PRKG1: variants seen among roughly 807,000 people sequenced by gnomAD.
PRKG1 encodes cGMP-dependent protein kinase 1.
PRKG1 carries 35 observed loss-of-function variants against 88.1 expected under a neutral mutation model. The ratio of observed to expected loss-of-function variants is 0.40; its 90% CI spans 0.30 to 0.53. The LOEUF (loss-of-function observed/expected upper bound fraction) is 0.53. Among genes scored for constraint, PRKG1 ranks in the 20% least tolerant of loss-of-function variants. The pLI, the probability that PRKG1 is intolerant of heterozygous loss-of-function variation, is 0.59. For synonymous variants in PRKG1, 303 were observed against 292.5 expected, an observed-to-expected ratio of 1.04 and a Z score of -0.37; for missense variants, 540 against 839.8, an observed-to-expected ratio of 0.64 and a Z score of 4.41.
chr10:51,223,191 C>G (rs1348926800), intron 2 of PRKG1, among the ~76,000 whole-genome samples: 1 of 152,012 alleles, frequency 6.6e-6, no homozygotes, highest in Non-Finnish European at 1.5e-5. Context: ...ACTTCCCCCA[C>G]CCTCTGTAGC....
At chr10:52,214,536 T>C (rs777566715) in intron 9 of PRKG1, among the ~76,000 whole-genome samples, 1 of 152,216 alleles carries the variant, frequency 6.6e-6, no homozygotes, top group Admixed American at 6.5e-5. Context: ...TGTATAGCAC[T>C]TTGTGTAGTA....
intron 5 of PRKG1, among the ~76,000 whole-genome samples, chr10:51,967,626 G>C (rs1254506435): frequency 6.6e-6 from 1 of 151,798 alleles, no homozygotes; most frequent in South Asian, 2.1e-4. Flanking sequence ...TCAGCCCATT[G>C]GCCTTGACAT....
At chr10:52,046,992 G>A (rs2133240272) in intron 5 of PRKG1, 1 of 152,226 alleles carries the variant, frequency 6.6e-6, no homozygotes, top group East Asian at 1.9e-4. Flanking sequence ...AGTGTCCCGA[G>A]TGGAAGATGA....
intron 5 of PRKG1, among the ~76,000 whole-genome samples, chr10:51,920,245 C>A (rs760489196): frequency 2.6e-5 from 4 of 152,128 alleles, no homozygotes; most frequent in African/African-American, 9.7e-5. Flanking sequence ...CTTCTCCTTT[C>A]CCTATCCATC....
chr10:51,327,045 A>G (rs1841610357), intron 2 of PRKG1, among the ~76,000 whole-genome samples: 1 of 152,216 alleles, frequency 6.6e-6, no homozygotes, highest in Non-Finnish European at 1.5e-5. Flanking sequence ...AATATTTACC[A>G]TTTAATCAAG....
chr10:52,040,151 C>T (rs189967656), intron 5 of PRKG1, among the ~76,000 whole-genome samples: 33 of 152,244 alleles, frequency 2.2e-4, no homozygotes, highest in African/African-American at 7.7e-4. Flanking sequence ...TTTTAAACTC[C>T]TAAAGAAGTA....
intron 2 of PRKG1, among the ~76,000 whole-genome samples, chr10:51,363,279 A>C (rs1482308075): frequency 1.3e-5 from 2 of 151,234 alleles, no homozygotes; most frequent in African/African-American, 4.9e-5. Flanking sequence ...ATTTTTGGAG[A>C]CTCTGTATTG....
chr10:52,185,116 C>T (rs1839156550), intron 9 of PRKG1: 1 of 152,192 alleles, frequency 6.6e-6, no homozygotes, highest in African/African-American at 2.4e-5. Context: ...GTGTCAAGTC[C>T]AAAGTCTTAA....
intron 2 of PRKG1, among the ~76,000 whole-genome samples, chr10:51,279,555 G>T (rs1205627737): frequency 6.6e-6 from 1 of 152,144 alleles, no homozygotes; most frequent in Admixed American, 6.5e-5. Flanking sequence ...ATGAATCTGG[G>T]TGCCCCTGTA....
At chr10:51,604,267 G>A (rs1838695946) in intron 3 of PRKG1, among the ~76,000 whole-genome samples, 1 of 151,946 alleles carries the variant, frequency 6.6e-6, no homozygotes, top group Non-Finnish European at 1.5e-5. Flanking sequence ...TTTTAAACTA[G>A]GAACTCATTA....
chr10:51,719,388 A>G (rs1190280274), intron 3 of PRKG1, among the ~76,000 whole-genome samples: 1 of 152,200 alleles, frequency 6.6e-6, no homozygotes, highest in African/African-American at 2.4e-5. Flanking sequence ...GATAAGAGGG[A>G]TATTTTACTT....
At chr10:51,211,253 C>A (rs946510705) in intron 2 of PRKG1, among the ~76,000 whole-genome samples, 1 of 152,044 alleles carries the variant, frequency 6.6e-6, no homozygotes, top group South Asian at 2.1e-4. Context: ...AGGCCTTTGA[C>A]AAAATTCAAC....
At chr10:52,287,698 TAAA>T (rs34027188) in intron 14 of PRKG1, among the ~76,000 whole-genome samples, 5 of 138,108 alleles carry the variant, frequency 3.6e-5, no homozygotes, top group Admixed American at 1.5e-4. Context: ...ATGGATCAGT[TAAA>T]AAAAAAAAAA....
intron 4 of PRKG1, among the ~76,000 whole-genome samples, chr10:51,862,009 G>C (rs1306891792): frequency 6.6e-6 from 1 of 152,156 alleles, no homozygotes; most frequent in Non-Finnish European, 1.5e-5. Flanking sequence ...AAGGGAACGT[G>C]GTGGCACCCA....
At chr10:52,075,596 C>T (rs1846608141) in intron 7 of PRKG1, among the ~76,000 whole-genome samples, 1 of 152,198 alleles carries the variant, frequency 6.6e-6, no homozygotes, top group African/African-American at 2.4e-5. Context: ...ATCAACCACA[C>T]ATATATTGCC....
chr10:51,582,984 C>T lies in PRKG1; in HGVS notation c.592+115148C>T, dbSNP rs563014168. On this transcript the variant is annotated intron_variant, in intron 3 of 17. Transcript: ENST00000373980. Reference sequence around the variant, plus strand: ...TTTACTGTTTTGAACTTAATTCAACCTGTAGTGATGTAGCTGGCAAGACTT... The same window carrying T: ...TTTACTGTTTTGAACTTAATTCAACTTGTAGTGATGTAGCTGGCAAGACTT... 2.8e-4 allele frequency among the ~76,000 whole-genome samples: 42 copies of T among 152,222 alleles called. No homozygotes were observed. In the South Asian group the frequency reaches 8.7e-3, roughly 32 times the overall value.
intron 5 of PRKG1, among the ~76,000 whole-genome samples, chr10:51,957,818 A>G (rs1183634815): frequency 6.6e-6 from 1 of 152,206 alleles, no homozygotes; most frequent in East Asian, 1.9e-4. Context: ...CTTCACCTGT[A>G]ATAGTGTAGG....
chr10:51,971,298 G>T (rs1176846753), intron 5 of PRKG1, among the ~76,000 whole-genome samples: 1 of 151,692 alleles, frequency 6.6e-6, no homozygotes, highest in Non-Finnish European at 1.5e-5. Context: ...ACTTCTCTAT[G>T]TCCATTTAAT....
chr10:51,726,399 G>T (rs1427761719), intron 3 of PRKG1, among the ~76,000 whole-genome samples: 1 of 152,160 alleles, frequency 6.6e-6, no homozygotes, highest in East Asian at 1.9e-4. Flanking sequence ...TAAAACCATT[G>T]AAACTTCCTC....
Sources: gnomAD v4.1 joint callset for allele counts (sites outside exome capture counted in the v4.1 genomes callset) on GRCh38, gnomAD v4.1.1 for gene constraint, MANE v1.5 for transcripts, NCBI Gene and HGNC (gene_info 2026-07-23, HGNC 2026-07-21) for gene names.